The following SYNE2 variants were observed in gnomAD, a reference collection of about 807,000 sequenced individuals.
SYNE2 encodes the protein spectrin repeat containing nuclear envelope protein 2, also known as nesprin-2.
A neutral mutation model predicts 856.3 loss-of-function variants in SYNE2; 431 were observed. That is an observed-to-expected ratio of 0.50 (90% CI 0.47 to 0.55). The LOEUF (loss-of-function observed/expected upper bound fraction) is 0.55. SYNE2 is among the 20% of genes least tolerant of loss of function. The pLI, the probability that SYNE2 is intolerant of heterozygous loss-of-function variation, is 0.00. For synonymous variants in SYNE2, 2,923 were observed against 2,872.3 expected (o/e 1.02, Z -0.56); for missense variants, 8,129 against 8,023.2 (o/e 1.01, Z -0.50).
At chr14:64,081,002 A>G (rs2097518159) in intron 56 of SYNE2, among the ~76,000 whole-genome samples, 1 of 152,188 alleles carries the variant, frequency 6.6e-6, no homozygotes, top group South Asian at 2.1e-4. Context: ...TTCGGGGAAA[A>G]GATACCCTCT....
At chr14:63,981,520 G>C (rs1164349122) in intron 16 of SYNE2, among the ~76,000 whole-genome samples, 1 of 152,116 alleles carries the variant, frequency 6.6e-6, no homozygotes, top group African/African-American at 2.4e-5. Flanking sequence ...CTAGCTTATA[G>C]ACACAGTTAA....
chr14:64,147,903 T>C (rs569137030), intron 84 of SYNE2, among the ~76,000 whole-genome samples: 9 of 152,342 alleles, frequency 5.9e-5, no homozygotes, highest in South Asian at 2.1e-4. Context: ...CCAGTTCTTA[T>C]AGCCGTTCAA....
intron 11 of SYNE2, among the ~76,000 whole-genome samples, chr14:63,974,586 T>A (rs2153462491): frequency 6.6e-6 from 1 of 151,414 alleles, no homozygotes; most frequent in Non-Finnish European, 1.5e-5. Flanking sequence ...TGAGATGGAG[T>A]CTCGCTCTGT....
intron 98 of SYNE2, chr14:64,188,909 T>G: frequency 1.4e-6 from 1 of 711,448 alleles, no homozygotes; most frequent in Non-Finnish European, 2.6e-6. Context: ...TGTGAGACCA[T>G]TGTCAGTGGG....
intron 1 of SYNE2, among the ~76,000 whole-genome samples, chr14:63,776,685 C>T (rs1478028234): frequency 2.0e-5 from 3 of 151,258 alleles, no homozygotes; most frequent in East Asian, 1.9e-4. Context: ...CTGCAACCTC[C>T]GCTTCCTGGG....
In SYNE2 at chr14:64,137,932, A is replaced by G. The variant is rs147640636; in HGVS notation, c.14792A>G (p.Lys4931Arg). 1.5e-3 allele frequency: 2,352 copies of G among 1,614,150 alleles called. 1 individual carries two copies. The highest frequency in any genetic ancestry group is 2.0e-3 in the Middle Eastern group (12 of 6,060). Residue 4931 changes from lysine (K) to arginine (R), a missense_variant, in exon 79 of 116, where the codon AAA becomes AGA. By Grantham distance (26) the Lys-to-Arg change is conservative. This residue lies in a region of SYNE2 where 5,410 missense variants were observed against 5,284.8 expected (regional missense o/e 1.02). Coordinates refer to ENST00000555002, the MANE Select transcript of SYNE2 (RefSeq NM_182914.3). ...GAGCAGTGGTTGTCCCTGAACAAGA[A>G]AATTGACCATGAGCTCCACAGGCTG... is the stretch of plus-strand genomic sequence containing the variant. ...LEEQWLSLNK[K>R]IDHELHRLQA...
intron 53 of SYNE2, among the ~76,000 whole-genome samples, chr14:64,074,457 C>T (rs558686423): frequency 2.0e-5 from 3 of 152,306 alleles, no homozygotes; most frequent in South Asian, 4.1e-4. Context: ...TTACATTACT[C>T]CTTTAGTAGG....
chr14:63,767,815 A>G (rs780034227), intron 1 of SYNE2, among the ~76,000 whole-genome samples: 4 of 152,202 alleles, frequency 2.6e-5, no homozygotes, highest in Non-Finnish European at 5.9e-5. Context: ...TATTTGAATT[A>G]ATAAAAACTC....
chr14:63,762,568 G>T (rs1024987059), intron 1 of SYNE2, among the ~76,000 whole-genome samples: 3 of 147,096 alleles, frequency 2.0e-5, no homozygotes, highest in African/African-American at 7.5e-5. Context: ...ATATGGTATT[G>T]TGGTTATGTA....
intron 45 of SYNE2, among the ~76,000 whole-genome samples, chr14:64,036,477 G>T (rs1475702071): frequency 1.3e-5 from 2 of 152,014 alleles, no homozygotes; most frequent in Non-Finnish European, 2.9e-5. Flanking sequence ...TAGAGACGGG[G>T]TTTCACCATG....
intron 96 of SYNE2, among the ~76,000 whole-genome samples, chr14:64,183,039 C>A (rs188920681): frequency 6.8e-6 from 1 of 146,674 alleles, no homozygotes; most frequent in South Asian, 2.2e-4. Flanking sequence ...CCCTCCCGGA[C>A]GGGGCGGCTG....
rs375951725 is a variant in SYNE2, at chr14:64,160,009, G to C, written c.16094+567G>C. Among the ~76,000 whole-genome samples, 26 of 152,312 alleles carry C rather than the reference G, an allele frequency of 1.7e-4. 1 individual carries two copies. The highest frequency in any genetic ancestry group is 3.4e-3 in the Middle Eastern group (1 of 294). Reference sequence around the variant, plus strand: ...GTTGGCCTCCAACCAATTGATTAGAGATAGGGATGAAGAGTTATGCTATCT... The same window carrying C: ...GTTGGCCTCCAACCAATTGATTAGACATAGGGATGAAGAGTTATGCTATCT... On this transcript the variant is annotated intron_variant, in intron 87 of 115. Transcript: ENST00000555002.
chr14:64,142,069 ATCTTCT>A lies in SYNE2; in HGVS notation c.15290_15295del (p.Leu5097_Leu5098del). On this transcript the variant is annotated inframe_deletion, in exon 82 of 116. Coordinates refer to ENST00000555002, the MANE Select transcript of SYNE2 (RefSeq NM_182914.3). ...CCAAGTTCTGCATCTCAAGTTAAAC[ATCTTCT>A]TCAGAAGCACAAGGTAATTATGCAA... The A allele has an allele frequency of 6.2e-7, 1 of 1,614,164 alleles. No individual in the cohort carries two copies. Among genetic ancestry groups the A allele is most frequent in the Non-Finnish European group, 8.5e-7 (1 of 1,180,008 alleles).
chr14:64,188,557 T>C lies in SYNE2; in HGVS notation c.17720T>C (p.Ile5907Thr). 1 of 1,614,176 alleles carries C rather than the reference T, an allele frequency of 6.2e-7. No homozygotes were observed. The highest frequency in any genetic ancestry group is 2.2e-5 in the East Asian group (1 of 44,886). Residue 5907 changes from isoleucine to threonine, a missense_variant, in exon 98 of 116, where the codon ATA (isoleucine) becomes ACA (threonine). Transcript: ENST00000555002. ...ATGTATTTTCATTTGCAGGTGGCCA[T>C]ACGTAAACAGGAGATTGAAGACAGA... ...QWEDLCLRVAIRKQEIEDRLN... is the reference protein window; with the variant it reads ...QWEDLCLRVATRKQEIEDRLN...
chr14:64,221,553 G>A (rs751323606), intron 111 of SYNE2, 23 bp from the exon 112 acceptor site: 19 of 1,614,044 alleles, frequency 1.2e-5, no homozygotes, highest in Middle Eastern at 1.6e-4. Context: ...ACACGGCCGC[G>A]CTCTGATGTG....
chr14:64,176,944 C>T (rs886332013), intron 95 of SYNE2, among the ~76,000 whole-genome samples: 2 of 151,958 alleles, frequency 1.3e-5, no homozygotes, highest in African/African-American at 2.4e-5. Context: ...ATTACAGGCA[C>T]ATACCACCAC....
intron 1 of SYNE2, among the ~76,000 whole-genome samples, chr14:63,816,557 T>G (rs1337526978): frequency 6.6e-6 from 1 of 152,004 alleles, no homozygotes; most frequent in East Asian, 1.9e-4. Flanking sequence ...GGTCATAAAA[T>G]CTAGGAAGAA....
Position 64,152,555 on chromosome 14 carries a change from C to T in SYNE2, c.15640-9C>T, listed in dbSNP as rs1310587646. 6.2e-7 allele frequency: 1 copy of T among 1,613,872 alleles called. No homozygotes were observed. Among genetic ancestry groups the T allele is most frequent in the East Asian group, 2.2e-5 (1 of 44,840 alleles). The stretch of plus-strand genomic sequence containing the variant: ...GTGCATTGAAAACCTTTTCCTCTTA[C>T]TCTTCCAGGATATAGAAAATCAACT... On this transcript the variant is annotated splice_polypyrimidine_tract_variant and intron_variant, in intron 84 of 115. Coordinates refer to ENST00000555002, the MANE Select transcript of SYNE2 (RefSeq NM_182914.3).
intron 107 of SYNE2, chr14:64,215,829 C>A: frequency 1.5e-6 from 1 of 678,428 alleles, no homozygotes; most frequent in Non-Finnish European, 2.1e-6. Context: ...TCATCCTTAG[C>A]CCCATCCCTA....
Sources: allele counts gnomAD v4.1 joint callset (sites outside exome capture counted in the v4.1 genomes callset), GRCh38; gene constraint gnomAD v4.1.1; regional missense constraint gnomAD v4.1.1; transcripts MANE v1.5; gene names NCBI Gene and HGNC (gene_info 2026-07-23, HGNC 2026-07-21).